ADGRG2: variants seen among roughly 807,000 people sequenced by gnomAD.
ADGRG2 encodes the protein adhesion G protein-coupled receptor G2, also known as G protein-coupled receptor 64.
A neutral mutation model predicts 74.1 loss-of-function variants in ADGRG2; 26 were observed. The ratio of observed to expected loss-of-function variants is 0.35; its 90% CI spans 0.26 to 0.49. The LOEUF is 0.49. Ranked by LOEUF, ADGRG2 falls within the 20% of genes least tolerant of loss-of-function variation. The pLI is 0.99. For synonymous variants in ADGRG2, 296 were observed against 295.2 expected, an observed-to-expected ratio of 1.00 and a Z score of -0.03; for missense variants, 619 against 763.1, an observed-to-expected ratio of 0.81 and a Z score of 2.22.
chrX:19,080,658 G>A (rs1400716854), intron 2 of ADGRG2, among the ~76,000 whole-genome samples: 1 of 111,160 alleles, frequency 9.0e-6, no homozygotes, highest in Non-Finnish European at 1.9e-5. Flanking sequence ...TAGAAGACAA[G>A]TTTTTGGGTT....
intron 1 of ADGRG2, among the ~76,000 whole-genome samples, chrX:19,083,802 G>T (rs1032967958): frequency 3.6e-5 from 4 of 111,744 alleles, no homozygotes; most frequent in African/African-American, 1.3e-4. Context: ...GTCACTTCAC[G>T]TAATGGCATC....
In ADGRG2 at chrX:19,105,927, C is replaced by CAAAAAAA. The variant is rs748026875; in HGVS notation, c.-47+16508_-47+16514dup. Reference sequence around the variant, plus strand: ...TAAGCGACAGAGCGAGACTCTGTCTCAAAAAAAAAAAAAAAAAAAAAAAGA... The same window carrying CAAAAAAA: ...TAAGCGACAGAGCGAGACTCTGTCTCAAAAAAAAAAAAAAAAAAAAAAAAAAAAAAGA... On this transcript the variant is annotated intron_variant, in intron 1 of 28. Coordinates refer to ENST00000379869, the MANE Select transcript of ADGRG2 (RefSeq NM_001079858.3). Among the ~76,000 whole-genome samples the CAAAAAAA allele has an allele frequency of 5.3e-3, 160 of 29,962 alleles. 5 individuals are homozygous for CAAAAAAA. Among genetic ancestry groups the CAAAAAAA allele is most frequent in the African/African-American group, 0.019 (149 of 7,806 alleles). The allele number at this position is 29,962 out of a possible 115,157, so 26.0% of individuals were successfully genotyped here.
At chrX:18,995,199 T>C (rs771805100) in intron 27 of ADGRG2, 151 bp from the exon 28 acceptor site, 1 of 413,154 alleles carries the variant, frequency 2.4e-6, no homozygotes, top group Non-Finnish European at 4.1e-6. Flanking sequence ...TGTGATAACA[T>C]GTATTTTCAT....
intron 15 of ADGRG2, among the ~76,000 whole-genome samples, chrX:19,019,081 G>A (rs773103853): frequency 8.0e-5 from 9 of 111,880 alleles, no homozygotes; most frequent in Non-Finnish European, 1.3e-4. Flanking sequence ...TCCTGACCTC[G>A]TGATCCGCCC....
Position 18,999,972 on chromosome X carries a change from G to T in ADGRG2, c.2231-12C>A. On this transcript the variant is annotated splice_polypyrimidine_tract_variant and intron_variant, in intron 24 of 28. Coordinates refer to ENST00000379869, the MANE Select transcript of ADGRG2 (RefSeq NM_001079858.3). Reference sequence around the variant, plus strand: ...CACAGCTGGTACCCCTGGAAGATGGGAAACATTGGTCACACCTAATTTTTT... The same window carrying T: ...CACAGCTGGTACCCCTGGAAGATGGTAAACATTGGTCACACCTAATTTTTT... 2.1e-6 allele frequency: 2 copies of T among 967,022 alleles called. No individual in the cohort carries two copies. Among genetic ancestry groups the T allele is most frequent in the Non-Finnish European group, 2.9e-6 (2 of 680,479 alleles). 79.7% of individuals were successfully genotyped at this position (967,022 alleles called of 1,213,427 possible). A position where few individuals can be genotyped will look rare whatever the true frequency, so the allele number is the denominator to read the frequency against.
chrX:19,096,510 T>C (rs2062099647), intron 1 of ADGRG2, among the ~76,000 whole-genome samples: 1 of 111,652 alleles, frequency 9.0e-6, no homozygotes, highest in Non-Finnish European at 1.9e-5. Context: ...TGTAATGTGC[T>C]CATGCAAGTA....
At chrX:19,106,517 C>T (rs960720885) in intron 1 of ADGRG2, among the ~76,000 whole-genome samples, 10 of 106,308 alleles carry the variant, frequency 9.4e-5, no homozygotes, top group Non-Finnish European at 1.9e-4. Flanking sequence ...GTGTGTGTTT[C>T]GGTTTGGCGT....
intron 16 of ADGRG2, among the ~76,000 whole-genome samples, chrX:19,012,630 CAAAAAAAA>C (rs71924946): frequency 3.0e-5 from 1 of 33,081 alleles, no homozygotes; most frequent in African/African-American, 9.7e-5. Context: ...CCAAAGCTAC[CAAAAAAAA>C]AAAAAAAAAA....
chrX:19,110,709 A>C (rs1308070744), intron 1 of ADGRG2, among the ~76,000 whole-genome samples: 1 of 109,605 alleles, frequency 9.1e-6, no homozygotes, highest in African/African-American at 3.3e-5. Flanking sequence ...AAACAAACAA[A>C]AAAAAAAAAC....
intron 1 of ADGRG2, among the ~76,000 whole-genome samples, chrX:19,118,558 T>A (rs931564659): frequency 1.8e-5 from 2 of 111,252 alleles, no homozygotes; most frequent in African/African-American, 6.5e-5. Flanking sequence ...GATAATTTTT[T>A]AATTTTTTTT....
At chrX:19,012,728 C>T (rs113788506) in intron 16 of ADGRG2, among the ~76,000 whole-genome samples, 1,362 of 110,396 alleles carry the variant, frequency 0.012, 7 homozygotes, top group African/African-American at 0.02. Context: ...AGAAGCTCCT[C>T]ATCTCCTGGT....
At chrX:19,006,743 T>G (rs1018954019) in intron 20 of ADGRG2, among the ~76,000 whole-genome samples, 1 of 106,410 alleles carries the variant, frequency 9.4e-6, no homozygotes, top group Non-Finnish European at 1.9e-5. Context: ...TCCTGGAAAT[T>G]AGGTGGTCAA....
At chrX:19,069,469 G>C (rs1004569375) in intron 2 of ADGRG2, among the ~76,000 whole-genome samples, 3 of 110,658 alleles carry the variant, frequency 2.7e-5, no homozygotes, top group Non-Finnish European at 5.7e-5. Flanking sequence ...TGTGGCCCTA[G>C]ACAAGGGCCA....
At chrX:19,023,133 G>C (rs2060628488) in intron 13 of ADGRG2, among the ~76,000 whole-genome samples, 2 of 111,056 alleles carry the variant, frequency 1.8e-5, no homozygotes, top group South Asian at 7.7e-4. Flanking sequence ...GGTTATATTG[G>C]TGGCCCTCGG....
chrX:19,020,394 T>C (rs1233094720), intron 14 of ADGRG2, among the ~76,000 whole-genome samples: 1 of 111,616 alleles, frequency 9.0e-6, no homozygotes, highest in Non-Finnish European at 1.9e-5. Context: ...CCATTGAACA[T>C]TCCAAAAAGA....
At chrX:18,993,703 A>G (rs946585017) in intron 28 of ADGRG2, among the ~76,000 whole-genome samples, 11 of 107,073 alleles carry the variant, frequency 1.0e-4, no homozygotes, top group South Asian at 4.1e-4. Flanking sequence ...AAAAAAAAAA[A>G]GTCTAGACAC....
chrX:19,044,850 C>T (rs1002961459), intron 3 of ADGRG2, among the ~76,000 whole-genome samples: 3 of 111,890 alleles, frequency 2.7e-5, no homozygotes, highest in African/African-American at 9.8e-5. Flanking sequence ...CTGATCCACG[C>T]TTCCTGTGAT....
At chrX:19,073,279 C>T (rs1001884590) in intron 2 of ADGRG2, among the ~76,000 whole-genome samples, 4 of 112,501 alleles carry the variant, frequency 3.6e-5, no homozygotes, top group African/African-American at 1.3e-4. Flanking sequence ...AGGTCATCAA[C>T]AAAGAGGATC....
At chrX:19,098,105 C>T (rs1227731201) in intron 1 of ADGRG2, among the ~76,000 whole-genome samples, 3 of 112,443 alleles carry the variant, frequency 2.7e-5, no homozygotes, top group African/African-American at 6.5e-5. Flanking sequence ...GCTTTGCCAC[C>T]GTGCCAGAAA....
Sources: allele counts gnomAD v4.1 joint callset (sites outside exome capture counted in the v4.1 genomes callset), GRCh38; gene constraint gnomAD v4.1.1; transcripts MANE v1.5; gene names NCBI Gene and HGNC (gene_info 2026-07-23, HGNC 2026-07-21).